Variants in CLRN2 observed in about 807,000 individuals in gnomAD.
CLRN2 encodes clarin 2.
In CLRN2, 17 loss-of-function variants were observed where a neutral mutation model predicts 20.1. The ratio of observed to expected loss-of-function variants is 0.85; its 90% CI spans 0.58 to 1.27. The LOEUF (loss-of-function observed/expected upper bound fraction) is 1.27. CLRN2 is among the 50% of genes most tolerant of loss of function. The pLI, the probability that CLRN2 is intolerant of heterozygous loss-of-function variation, is 0.00. For synonymous variants in CLRN2, 140 were observed against 126.9 expected (o/e 1.10, Z -0.70); for missense variants, 288 against 299.5 (o/e 0.96, Z 0.28).
intron 1 of CLRN2, among the ~76,000 whole-genome samples, chr4:17,519,596 G>C (rs1711786946): frequency 7.6e-6 from 1 of 131,052 alleles, no homozygotes. Context: ...GGTGGCTGTT[G>C]TCATTTATCA....
chr4:17,515,793 A>C (rs774236756), intron 1 of CLRN2, among the ~76,000 whole-genome samples: 1 of 152,238 alleles, frequency 6.6e-6, no homozygotes, highest in Non-Finnish European at 1.5e-5. Flanking sequence ...CTATTAAAAT[A>C]TTGAGAGTTT....
chr4:17,526,800 A>T lies in CLRN2; in HGVS notation c.434-17A>T, dbSNP rs747841087. ...CAAAAAGGAGCCGTGAATGAGGGTG[A>T]CCTTTTTGAGTTTCAGGCGGCGTCG... On this transcript the variant is annotated splice_polypyrimidine_tract_variant and intron_variant, in intron 2 of 2. Coordinates refer to ENST00000511148, the MANE Select transcript of CLRN2 (RefSeq NM_001079827.2). The T allele has an allele frequency of 4.3e-6, 7 of 1,612,966 alleles. No homozygotes were observed. The highest frequency in any genetic ancestry group is 5.1e-6 in the Non-Finnish European group (6 of 1,179,068).
intron 2 of CLRN2, 100 bp from the exon 3 acceptor site, chr4:17,526,717 G>A: frequency 4.2e-6 from 6 of 1,416,838 alleles, no homozygotes; most frequent in Non-Finnish European, 5.8e-6. Flanking sequence ...TCATAATTTT[G>A]TTAACCCAAA....
At chr4:17,526,131 A>G (rs762080933) in intron 2 of CLRN2, among the ~76,000 whole-genome samples, 7 of 152,200 alleles carry the variant, frequency 4.6e-5, no homozygotes, top group South Asian at 2.1e-4. Context: ...AGGATAATTA[A>G]ACAGGAGAGC....
At chr4:17,522,833 T>C (rs1419188434) in intron 1 of CLRN2, 31 bp from the exon 2 acceptor site, 11 of 1,603,052 alleles carry the variant, frequency 6.9e-6, no homozygotes, top group African/African-American at 5.4e-5. Flanking sequence ...AACTCTGACA[T>C]TGAAATAGTG....
intron 1 of CLRN2, among the ~76,000 whole-genome samples, chr4:17,518,958 C>T (rs1385884145): frequency 1.3e-5 from 2 of 152,078 alleles, no homozygotes; most frequent in East Asian, 1.9e-4. Flanking sequence ...CCAGAGAAAT[C>T]GATACATAAA....
At chr4:17,517,633 A>G (rs1711713360) in intron 1 of CLRN2, among the ~76,000 whole-genome samples, 1 of 152,140 alleles carries the variant, frequency 6.6e-6, no homozygotes, top group Non-Finnish European at 1.5e-5. Context: ...GAAGGACACC[A>G]ATGGGAAACA....
At chr4:17,523,846 C>T (rs1156425105) in intron 2 of CLRN2, among the ~76,000 whole-genome samples, 1 of 149,346 alleles carries the variant, frequency 6.7e-6, no homozygotes, top group Non-Finnish European at 1.5e-5. Context: ...TTAATGCAGA[C>T]GTGGCTCACT....
chr4:17,521,863 A>AT (rs780997643), intron 1 of CLRN2, among the ~76,000 whole-genome samples: 18 of 152,188 alleles, frequency 1.2e-4, no homozygotes, highest in Admixed American at 2.0e-4. Context: ...GATCTCAAAG[A>AT]TAAAAAGGTG....
At chr4:17,526,499 G>A (rs549821879) in intron 2 of CLRN2, among the ~76,000 whole-genome samples, 1 of 152,170 alleles carries the variant, frequency 6.6e-6, no homozygotes, top group Non-Finnish European at 1.5e-5. Context: ...GGCAGAGGTT[G>A]CAGTGAGCTG....
intron 1 of CLRN2, 114 bp from the exon 2 acceptor site, chr4:17,522,750 T>C (rs1186965184): frequency 6.7e-6 from 7 of 1,049,252 alleles, no homozygotes; most frequent in Non-Finnish European, 9.8e-6. Flanking sequence ...TCCCCACGCT[T>C]GCTGTCTTGC....
chr4:17,522,766 C>A (rs1266460350), intron 1 of CLRN2, 98 bp from the exon 2 acceptor site: 2 of 1,323,668 alleles, frequency 1.5e-6, no homozygotes, highest in Admixed American at 1.9e-5. Flanking sequence ...CTTGCCCTCA[C>A]CCCTGTCTGT....
intron 1 of CLRN2, among the ~76,000 whole-genome samples, chr4:17,520,153 G>T (rs1348261697): frequency 1.3e-5 from 2 of 152,126 alleles, no homozygotes; most frequent in African/African-American, 4.8e-5. Context: ...TATAGTTAAT[G>T]CACTTCCTAC....
At chr4:17,519,059 A>G (rs1417353191) in intron 1 of CLRN2, among the ~76,000 whole-genome samples, 2 of 152,198 alleles carry the variant, frequency 1.3e-5, no homozygotes, top group African/African-American at 4.8e-5. Flanking sequence ...CAGGTATTCC[A>G]CTAGTGGCCA....
At chr4:17,518,240 T>A (rs1711736696) in intron 1 of CLRN2, among the ~76,000 whole-genome samples, 1 of 152,154 alleles carries the variant, frequency 6.6e-6, no homozygotes, top group African/African-American at 2.4e-5. Context: ...ACGCCAATCA[T>A]GGAGAAAACC....
In CLRN2 at chr4:17,527,055, G is replaced by C. The variant is rs151100539; in HGVS notation, c.672G>C (p.Thr224=). The change falls in exon 3 of 3, where the codon ACG becomes ACC. Residue 224 remains threonine (T), a synonymous_variant. Coordinates refer to ENST00000511148, the MANE Select transcript of CLRN2 (RefSeq NM_001079827.2). ...PEIKTKIEEA[T]VTAEDILY ...TTAAGACCAAAATCGAAGAGGCCAC[G>C]GTCACAGCTGAGGATATCTTGTATT... 3.1e-6 allele frequency: 5 copies of C among 1,613,732 alleles called. No homozygotes were observed. The African/African-American group carries it at 4.0e-5, about 13-fold the overall frequency.
chr4:17,516,279 A>G (rs1711669674), intron 1 of CLRN2, among the ~76,000 whole-genome samples: 2 of 152,204 alleles, frequency 1.3e-5, no homozygotes, highest in African/African-American at 4.8e-5. Context: ...TAAGCAGAGC[A>G]GTCTGCACAA....
intron 2 of CLRN2, among the ~76,000 whole-genome samples, chr4:17,523,832 C>T (rs1711895055): frequency 1.3e-5 from 2 of 148,650 alleles, no homozygotes; most frequent in South Asian, 4.4e-4. Flanking sequence ...CACACTTGGG[C>T]ATATTAATGC....
chr4:17,519,934 C>T lies in CLRN2; in HGVS notation c.254-2930C>T, dbSNP rs533387405. On this transcript the variant is annotated intron_variant, in intron 1 of 2. Coordinates refer to ENST00000511148, the MANE Select transcript of CLRN2 (RefSeq NM_001079827.2). ...ATGTTGCCCAGACTTATCTCCAACTCCTAGCCTCAAGCAATCCCCCCATAA... is the reference window on the plus strand; with the variant it reads ...ATGTTGCCCAGACTTATCTCCAACTTCTAGCCTCAAGCAATCCCCCCATAA... Among the ~76,000 whole-genome samples the T allele has an allele frequency of 8.7e-4, 133 of 152,252 alleles. 1 individual carries two copies. The Middle Eastern group carries it at 0.01, about 12-fold the overall frequency.
Sources: gnomAD v4.1 joint callset for allele counts (sites outside exome capture counted in the v4.1 genomes callset) on GRCh38, gnomAD v4.1.1 for gene constraint, MANE v1.5 for transcripts, NCBI Gene and HGNC (gene_info 2026-07-23, HGNC 2026-07-21) for gene names.